The following LSAMP variants were observed in gnomAD, a reference collection of about 807,000 sequenced individuals.
The protein encoded by LSAMP is limbic system-associated membrane protein.
LSAMP carries 7 observed loss-of-function variants against 38.6 expected under a neutral mutation model. The observed-to-expected ratio is 0.18, with a 90% CI of 0.10 to 0.34. The LOEUF is 0.34. Ranked by LOEUF, LSAMP falls within the 10% of genes least tolerant of loss-of-function variation. LSAMP has a pLI of 1.00. For synonymous variants in LSAMP, 154 were observed against 166.8 expected, an observed-to-expected ratio of 0.92 and a Z score of 0.59; for missense variants, 313 against 420.0, an observed-to-expected ratio of 0.75 and a Z score of 2.23.
chr3:116,111,765 G>A (rs765175166), intron 1 of LSAMP, among the ~76,000 whole-genome samples: 10 of 152,002 alleles, frequency 6.6e-5, no homozygotes, highest in South Asian at 2.1e-4. Context: ...CACTTATTCC[G>A]TTTTTACTAC....
At chr3:116,430,973 A>T (rs2049272778) in intron 1 of LSAMP, among the ~76,000 whole-genome samples, 1 of 151,998 alleles carries the variant, frequency 6.6e-6, no homozygotes, top group South Asian at 2.1e-4. Context: ...TATAATCACA[A>T]ATACACATAA....
chr3:116,283,130 C>T (rs964862689), intron 1 of LSAMP, among the ~76,000 whole-genome samples: 22 of 151,892 alleles, frequency 1.4e-4, no homozygotes, highest in African/African-American at 5.3e-4. Flanking sequence ...TACTCTTCCT[C>T]CCTCCCCAAA....
intron 4 of LSAMP, among the ~76,000 whole-genome samples, chr3:115,847,686 C>T (rs990783825): frequency 2.0e-5 from 3 of 152,222 alleles, no homozygotes; most frequent in African/African-American, 7.2e-5. Flanking sequence ...TCCTCCTGCA[C>T]TCATTCCCTT....
chr3:116,058,142 A>T lies in LSAMP; in HGVS notation c.388+28182T>A, dbSNP rs1039938497. Among the ~76,000 whole-genome samples the T allele has an allele frequency of 5.3e-5, 8 of 152,320 alleles. No homozygotes were observed. In the East Asian group the frequency reaches 1.5e-3, roughly 29 times the overall value. On this transcript the variant is annotated intron_variant, in intron 2 of 6. Coordinates refer to ENST00000490035, the MANE Select transcript of LSAMP (RefSeq NM_002338.5). ...AGAAAGGAGTGAAGGCAGCTTTATT[A>T]TGGAAGCAAAACAGGGAAGGTCTGG...
intron 4 of LSAMP, among the ~76,000 whole-genome samples, chr3:115,848,416 C>G (rs532174835): frequency 6.6e-6 from 1 of 152,102 alleles, no homozygotes; most frequent in Non-Finnish European, 1.5e-5. Flanking sequence ...AGGGTGAGAC[C>G]CTGTCTCAAA....
chr3:116,328,215 A>G (rs1483962354), intron 1 of LSAMP, among the ~76,000 whole-genome samples: 1 of 152,282 alleles, frequency 6.6e-6, no homozygotes. Flanking sequence ...CGTCAAGAAT[A>G]TATTTCCCTT....
intron 3 of LSAMP, among the ~76,000 whole-genome samples, chr3:115,856,588 C>T (rs1237100582): frequency 1.3e-5 from 2 of 150,732 alleles, no homozygotes; most frequent in Non-Finnish European, 3.0e-5. Context: ...CACTGCACTC[C>T]AGCCTGGGTG....
chr3:115,852,650 A>G, intron 3 of LSAMP, 33 bp from the exon 4 acceptor site: 1 of 1,595,556 alleles, frequency 6.3e-7, no homozygotes, highest in Non-Finnish European at 8.5e-7. Flanking sequence ...ATTCTTTTTT[A>G]AAGTCTGAAA....
intron 2 of LSAMP, among the ~76,000 whole-genome samples, chr3:116,076,990 A>C (rs1041625187): frequency 6.6e-6 from 1 of 151,928 alleles, no homozygotes; most frequent in Non-Finnish European, 1.5e-5. Context: ...TCTTCAGATA[A>C]ATGCACAAGT....
intron 1 of LSAMP, among the ~76,000 whole-genome samples, chr3:116,161,001 GAT>G (rs1431139793): frequency 6.6e-6 from 1 of 152,202 alleles, no homozygotes; most frequent in Non-Finnish European, 1.5e-5. Flanking sequence ...TATTCAATGA[GAT>G]AGTCTCCAGC....
At chr3:116,319,043 T>TGG (rs10662487) in intron 1 of LSAMP, among the ~76,000 whole-genome samples, 23,398 of 149,220 alleles carry the variant, frequency 0.16, 1,961 homozygotes, top group Admixed American at 0.19. Context: ...TGTATAGAAT[T>TGG]GGGGGGGTGG....
At chr3:116,342,673 G>A (rs1273274329) in intron 1 of LSAMP, among the ~76,000 whole-genome samples, 1 of 152,026 alleles carries the variant, frequency 6.6e-6, no homozygotes, top group African/African-American at 2.4e-5. Flanking sequence ...TAGTCTTAGA[G>A]ATTGAATGGG....
intron 1 of LSAMP, among the ~76,000 whole-genome samples, chr3:116,194,242 CAG>C (rs1710822856): frequency 6.6e-6 from 1 of 151,932 alleles, no homozygotes; most frequent in South Asian, 2.1e-4. Flanking sequence ...TGGGAGACCT[CAG>C]ATAGAAATGC....
intron 3 of LSAMP, among the ~76,000 whole-genome samples, chr3:115,876,107 T>A (rs896044687): frequency 2.0e-5 from 3 of 152,018 alleles, no homozygotes; most frequent in Admixed American, 6.6e-5. Context: ...TTCATGCTTA[T>A]CAGTCATAGG....
chr3:116,175,188 A>G (rs529948300), intron 1 of LSAMP, among the ~76,000 whole-genome samples: 32 of 152,164 alleles, frequency 2.1e-4, no homozygotes, highest in African/African-American at 7.0e-4. Context: ...ATATTTTTTT[A>G]GACTATTCTC....
intron 3 of LSAMP, among the ~76,000 whole-genome samples, chr3:115,919,634 C>T (rs373186232): frequency 9.2e-5 from 14 of 152,030 alleles, no homozygotes; most frequent in East Asian, 1.9e-4. Context: ...ATTTTTGAGA[C>T]GGAGTCTTGC....
chr3:116,352,067 G>A (rs978775403), intron 1 of LSAMP, among the ~76,000 whole-genome samples: 10 of 151,996 alleles, frequency 6.6e-5, no homozygotes, highest in South Asian at 2.1e-4. Context: ...AAGGTTCACC[G>A]CTTCACCGTA....
At chr3:116,171,273 G>A (rs1710191700) in intron 1 of LSAMP, among the ~76,000 whole-genome samples, 1 of 152,128 alleles carries the variant, frequency 6.6e-6, no homozygotes, top group Non-Finnish European at 1.5e-5. Context: ...CAATTGCTGA[G>A]AAGGGGAATA....
At chr3:116,039,211 T>A (rs1384060423) in intron 2 of LSAMP, among the ~76,000 whole-genome samples, 1 of 152,212 alleles carries the variant, frequency 6.6e-6, no homozygotes, top group Non-Finnish European at 1.5e-5. Flanking sequence ...TGTTTTCACA[T>A]AAGCAAATCT....
Sources: allele counts gnomAD v4.1 joint callset (sites outside exome capture counted in the v4.1 genomes callset), GRCh38; gene constraint gnomAD v4.1.1; transcripts MANE v1.5; gene names NCBI Gene and HGNC (gene_info 2026-07-23, HGNC 2026-07-21).